The following CNTNAP2 variants were observed in gnomAD, a reference collection of about 807,000 sequenced individuals.
CNTNAP2 encodes contactin-associated protein-like 2.
Under a neutral mutation model 155.2 loss-of-function variants are expected in CNTNAP2, and 98 were observed. The observed-to-expected ratio is 0.63, with a 90% CI of 0.54 to 0.75. CNTNAP2 has a LOEUF of 0.75. CNTNAP2 is among the 30% of genes least tolerant of loss of function. The pLI is 0.00. For missense variants in CNTNAP2, 1,727 were observed against 1,688.1 expected (o/e 1.02, Z -0.40); for synonymous variants, 651 against 631.2 (o/e 1.03, Z -0.47).
At chr7:147,734,957 C>CA (rs1284752305) in intron 13 of CNTNAP2, among the ~76,000 whole-genome samples, 2 of 148,812 alleles carry the variant, frequency 1.3e-5, no homozygotes, top group Non-Finnish European at 3.0e-5. Context: ...TTGATCTTTT[C>CA]AAAAAACCAG....
intron 10 of CNTNAP2, among the ~76,000 whole-genome samples, chr7:147,415,928 A>G (rs567453247): frequency 1.3e-5 from 2 of 152,308 alleles, no homozygotes; most frequent in Admixed American, 1.3e-4. Context: ...AAACTTCTTG[A>G]TTCAATAGAG....
At chr7:147,354,485 A>T (rs1021636828) in intron 9 of CNTNAP2, among the ~76,000 whole-genome samples, 8 of 151,874 alleles carry the variant, frequency 5.3e-5, no homozygotes, top group Admixed American at 2.0e-4. Context: ...GTTCTGTTCT[A>T]TTGGTCTATA....
intron 1 of CNTNAP2, among the ~76,000 whole-genome samples, chr7:146,643,520 T>G (rs1417364308): frequency 1.3e-5 from 2 of 152,026 alleles, no homozygotes; most frequent in African/African-American, 2.4e-5. Flanking sequence ...TTGATCTATA[T>G]CTCTGTTTTG....
At chr7:146,910,720 A>G (rs1363617056) in intron 3 of CNTNAP2, among the ~76,000 whole-genome samples, 1 of 149,830 alleles carries the variant, frequency 6.7e-6, no homozygotes, top group Admixed American at 6.6e-5. Context: ...AAACCTAGGC[A>G]TTACCATTCA....
chr7:147,643,612 C>T (rs1001058579), intron 13 of CNTNAP2: 3 of 152,164 alleles, frequency 2.0e-5, no homozygotes, highest in South Asian at 2.1e-4. Context: ...TTAACTAAGA[C>T]TGAAATTATA....
chr7:146,309,911 AGGG>A (rs1800790606), intron 1 of CNTNAP2, among the ~76,000 whole-genome samples: 1 of 152,084 alleles, frequency 6.6e-6, no homozygotes, highest in African/African-American at 2.4e-5. Context: ...GAACAAAAAA[AGGG>A]GGAATAGAAT....
intron 19 of CNTNAP2, among the ~76,000 whole-genome samples, chr7:148,227,884 CGTGT>C (rs3057282): frequency 0.24 from 31,452 of 131,212 alleles, 3,453 homozygotes; most frequent in Middle Eastern, 0.31. Flanking sequence ...AAGAGCACAG[CGTGT>C]GTGTGTGTGT....
At chr7:148,029,394 G>A (rs954947213) in intron 15 of CNTNAP2, among the ~76,000 whole-genome samples, 1 of 152,126 alleles carries the variant, frequency 6.6e-6, no homozygotes, top group Non-Finnish European at 1.5e-5. Context: ...CCCAACAATA[G>A]GTGTGAATCT....
rs189684616 is a variant in CNTNAP2 at position 148,022,971 on chromosome 7, G to A, written c.2383+44982G>A. Among the ~76,000 whole-genome samples the A allele has an allele frequency of 1.5e-4, 23 of 152,148 alleles. No homozygotes were observed. The East Asian group carries it at 2.1e-3, about 14-fold the overall frequency. On this transcript the variant is annotated intron_variant, in intron 15 of 23. Coordinates refer to ENST00000361727, the MANE Select transcript of CNTNAP2 (RefSeq NM_014141.6). Reference sequence around the variant, plus strand: ...GTACAGCACCGTTAAATATCTCATCGGCAGTAATAGCTTAAGACTACTGTG... The same window carrying A: ...GTACAGCACCGTTAAATATCTCATCAGCAGTAATAGCTTAAGACTACTGTG...
intron 4 of CNTNAP2, among the ~76,000 whole-genome samples, chr7:147,058,014 T>A (rs1799595395): frequency 6.6e-6 from 1 of 152,230 alleles, no homozygotes; most frequent in African/African-American, 2.4e-5. Context: ...AATTCTCATA[T>A]CGTTTGTCTG....
rs71165041 is a variant in CNTNAP2, at chr7:146,851,650, CTGTGTGTGTGTGTGTG to C, written c.402+11782_402+11797del. On this transcript the variant is annotated intron_variant, in intron 3 of 23. Coordinates refer to ENST00000361727, the MANE Select transcript of CNTNAP2 (RefSeq NM_014141.6). ...TGTGTTGCTTTATATCATCTTTCTT[CTGTGTGTGTGTGTGTG>C]TGTGTGTGTGTGTGTGTGTGTGTGT... Among the ~76,000 whole-genome samples the C allele has an allele frequency of 1.0e-3, 134 of 133,120 alleles. 2 individuals carry two copies. The highest frequency in any genetic ancestry group is 1.4e-3 in the South Asian group (5 of 3,572). The allele number at this position is 133,120 out of a possible 152,430, so 87.3% of individuals were successfully genotyped here. A position where few individuals can be genotyped will look rare whatever the true frequency, so the allele number is the denominator to read the frequency against.
At chr7:147,861,664 G>A (rs1000115057) in intron 13 of CNTNAP2, among the ~76,000 whole-genome samples, 3 of 152,108 alleles carry the variant, frequency 2.0e-5, no homozygotes, top group Admixed American at 6.5e-5. Flanking sequence ...AGAAGGCAAC[G>A]CTGGGACACC....
chr7:148,155,321 A>G (rs1805377656), intron 17 of CNTNAP2, among the ~76,000 whole-genome samples: 1 of 152,230 alleles, frequency 6.6e-6, no homozygotes, highest in South Asian at 2.1e-4. Context: ...ATCTTCATTC[A>G]GGGCTGTTGC....
At chr7:147,753,063 G>A (rs1797162613) in intron 13 of CNTNAP2, among the ~76,000 whole-genome samples, 1 of 152,172 alleles carries the variant, frequency 6.6e-6, no homozygotes, top group South Asian at 2.1e-4. Flanking sequence ...CTATCTTGAA[G>A]CGTCAGAATG....
intron 15 of CNTNAP2, among the ~76,000 whole-genome samples, chr7:148,055,169 C>T (rs1802983962): frequency 6.6e-6 from 1 of 152,116 alleles, no homozygotes; most frequent in Admixed American, 6.5e-5. Context: ...TAGGTGTGAG[C>T]CACCATGCCC....
At chr7:147,079,207 A>T (rs1461086866) in intron 4 of CNTNAP2, among the ~76,000 whole-genome samples, 2 of 152,188 alleles carry the variant, frequency 1.3e-5, no homozygotes, top group Non-Finnish European at 2.9e-5. Context: ...GCTACGAGGT[A>T]GATGTTATTA....
At chr7:146,736,797 A>G (rs1166158396) in intron 1 of CNTNAP2, among the ~76,000 whole-genome samples, 1 of 152,236 alleles carries the variant, frequency 6.6e-6, no homozygotes, top group Non-Finnish European at 1.5e-5. Flanking sequence ...TAGATTCTTC[A>G]GAAACTGGAT....
At chr7:146,193,238 C>T (rs1345779480) in intron 1 of CNTNAP2, among the ~76,000 whole-genome samples, 1 of 152,148 alleles carries the variant, frequency 6.6e-6, no homozygotes, top group African/African-American at 2.4e-5. Flanking sequence ...AGGATGGTGG[C>T]CCTCTTCTCA....
intron 3 of CNTNAP2, among the ~76,000 whole-genome samples, chr7:146,970,285 C>G (rs1049496213): frequency 1.3e-4 from 19 of 151,928 alleles, no homozygotes; most frequent in South Asian, 8.3e-4. Flanking sequence ...CCTACAAAAT[C>G]GGAGAAAATT....
Sources: gnomAD v4.1 joint callset for allele counts (sites outside exome capture counted in the v4.1 genomes callset) on GRCh38, gnomAD v4.1.1 for gene constraint, MANE v1.5 for transcripts, NCBI Gene and HGNC (gene_info 2026-07-23, HGNC 2026-07-21) for gene names.